The following KCNG3 variants were observed in gnomAD, a reference collection of about 807,000 sequenced individuals.
KCNG3 encodes voltage-gated potassium channel regulatory subunit KCNG3.
KCNG3 carries 15 observed loss-of-function variants against 29.0 expected under a neutral mutation model. The observed-to-expected ratio is 0.52, with a 90% CI of 0.35 to 0.80. KCNG3 has a LOEUF of 0.80. Among genes scored for constraint, KCNG3 ranks in the 30% least tolerant of loss-of-function variants. The pLI, the probability that KCNG3 is intolerant of heterozygous loss-of-function variation, is 0.01. For missense variants in KCNG3, 512 were observed against 605.7 expected, an observed-to-expected ratio of 0.85 and a Z score of 1.62; for synonymous variants, 322 against 248.9, an observed-to-expected ratio of 1.29 and a Z score of -2.76.
chr2:42,480,864 A>G (rs1039372945), intron 1 of KCNG3, among the ~76,000 whole-genome samples: 1 of 151,402 alleles, frequency 6.6e-6, no homozygotes, highest in Non-Finnish European at 1.5e-5. Flanking sequence ...GCTCACTGCA[A>G]CCTCCACCTG....
At chr2:42,402,788 T>C in the KCNG3 span, among the ~76,000 whole-genome samples, 7 of 152,204 alleles carry the variant, frequency 4.6e-5, no homozygotes, top group Non-Finnish European at 1.0e-4. Flanking sequence ...ATATCTACCA[T>C]TTAAATTACT....
chr2:42,454,691 C>G (rs1287676079), intron 1 of KCNG3, among the ~76,000 whole-genome samples: 2 of 149,872 alleles, frequency 1.3e-5, no homozygotes, highest in African/African-American at 4.9e-5. Flanking sequence ...GGCGACAGAG[C>G]AAGACTCTGC....
chr2:42,464,416 T>C (rs1673091564), intron 1 of KCNG3, among the ~76,000 whole-genome samples: 1 of 152,188 alleles, frequency 6.6e-6, no homozygotes, highest in Non-Finnish European at 1.5e-5. Flanking sequence ...GTATCTAGAC[T>C]ATAAGGTCTT....
chr2:42,476,842 A>C (rs1435863363), intron 1 of KCNG3, among the ~76,000 whole-genome samples: 2 of 151,654 alleles, frequency 1.3e-5, no homozygotes, highest in Non-Finnish European at 2.9e-5. Flanking sequence ...AACTTTGCAA[A>C]AGAATTTGTT....
chr2:42,461,705 ACAAGAAGAT>A (rs1673021644), intron 1 of KCNG3, among the ~76,000 whole-genome samples: 1 of 152,198 alleles, frequency 6.6e-6, no homozygotes, highest in African/African-American at 2.4e-5. Context: ...CCTAAATAAT[ACAAGAAGAT>A]CAATCTCAAT....
intron 1 of KCNG3, among the ~76,000 whole-genome samples, chr2:42,485,780 A>G (rs1673704919): frequency 6.6e-6 from 1 of 152,176 alleles, no homozygotes; most frequent in Admixed American, 6.5e-5. Flanking sequence ...CAACTTGTCT[A>G]TATGTTAAAA....
chr2:42,476,132 T>C (rs1364200506), intron 1 of KCNG3, among the ~76,000 whole-genome samples: 1 of 151,984 alleles, frequency 6.6e-6, no homozygotes, highest in Non-Finnish European at 1.5e-5. Flanking sequence ...GTAAGTACAG[T>C]TTTTTAAAAT....
intron 1 of KCNG3, among the ~76,000 whole-genome samples, chr2:42,451,434 T>C (rs796939753): frequency 6.6e-6 from 1 of 150,920 alleles, no homozygotes; most frequent in Non-Finnish European, 1.5e-5. Flanking sequence ...TGTTTTAAAA[T>C]TAGCAGGGGG....
the KCNG3 span, among the ~76,000 whole-genome samples, chr2:42,401,450 TG>T: frequency 1.4e-4 from 21 of 151,426 alleles, 1 homozygote; most frequent in African/African-American, 5.1e-4. Flanking sequence ...TATACATATA[TG>T]TATTTTTGGA....
At chr2:42,468,675 C>A (rs908895506) in intron 1 of KCNG3, among the ~76,000 whole-genome samples, 4 of 152,226 alleles carry the variant, frequency 2.6e-5, no homozygotes, top group African/African-American at 9.6e-5. Flanking sequence ...CACTCTCAGG[C>A]TGGGCGCAGT....
chr2:42,432,860 A>G, the KCNG3 span, among the ~76,000 whole-genome samples: 2 of 152,042 alleles, frequency 1.3e-5, no homozygotes, highest in South Asian at 4.2e-4. Flanking sequence ...TTCCTGATAT[A>G]GACAGTACAA....
the KCNG3 span, among the ~76,000 whole-genome samples, chr2:42,397,091 A>G: frequency 6.6e-6 from 1 of 152,124 alleles, no homozygotes; most frequent in Admixed American, 6.5e-5. Context: ...CTAAAAATAC[A>G]AAACTTAGCC....
intron 1 of KCNG3, among the ~76,000 whole-genome samples, chr2:42,472,907 T>C (rs371171703): frequency 1.1e-4 from 14 of 122,884 alleles, no homozygotes; most frequent in South Asian, 2.8e-4. Context: ...ATATATATTT[T>C]TTTTTTTTTT....
chr2:42,446,925 G>T (rs1362459339), intron 1 of KCNG3, among the ~76,000 whole-genome samples: 1 of 151,812 alleles, frequency 6.6e-6, no homozygotes, highest in African/African-American at 2.4e-5. Flanking sequence ...AGTATAGCTT[G>T]AGCCCAGGAA....
At chr2:42,473,837 T>C (rs1033017461) in intron 1 of KCNG3, among the ~76,000 whole-genome samples, 2 of 152,142 alleles carry the variant, frequency 1.3e-5, no homozygotes, top group African/African-American at 4.8e-5. Context: ...TGTAATGACT[T>C]AGCACCAACA....
intron 1 of KCNG3, among the ~76,000 whole-genome samples, chr2:42,457,736 G>T (rs1672915343): frequency 6.7e-6 from 1 of 150,326 alleles, no homozygotes; most frequent in African/African-American, 2.4e-5. Flanking sequence ...GGATCACTTG[G>T]GCCCAGGAGT....
Position 42,454,558 on chromosome 2 carries a change from G to A in KCNG3, c.666-9979C>T, listed in dbSNP as rs554965249. On this transcript the variant is annotated intron_variant, in intron 1 of 1. Coordinates refer to ENST00000306078, the MANE Select transcript of KCNG3 (RefSeq NM_133329.6). ...AAAACCTCGTCTCTACTAAAAGTAC[G>A]AAAATTAGCCAGGCGTGGTAGTGGG... 1.1e-3 allele frequency among the ~76,000 whole-genome samples: 161 copies of A among 146,614 alleles called. 1 individual carries two copies. The highest frequency in any genetic ancestry group is 2.0e-3 in the East Asian group (10 of 5,038).
chr2:42,424,226 A>C, the KCNG3 span, among the ~76,000 whole-genome samples: 1 of 152,194 alleles, frequency 6.6e-6, no homozygotes, highest in Non-Finnish European at 1.5e-5. Context: ...TGAGTGCCAA[A>C]ACTCATTTTT....
rs892124652 is a variant in KCNG3, at chr2:42,493,548, C to T, written c.-47G>A. On this transcript the variant is annotated 5_prime_UTR_variant, in exon 1 of 2. Transcript: ENST00000306078. Reference sequence around the variant, plus strand: ...TCGGCCCGAGGGCCCCGCTGCAGCCCCCCACCCCAAGCCGCCACGCGGGGC... The same window carrying T: ...TCGGCCCGAGGGCCCCGCTGCAGCCTCCCACCCCAAGCCGCCACGCGGGGC... 17 of 1,306,358 alleles carry T rather than the reference C, an allele frequency of 1.3e-5. No homozygotes were observed. In the Middle Eastern group the frequency reaches 8.6e-4, roughly 66 times the overall value. 80.9% of individuals were successfully genotyped at this position (1,306,358 alleles called of 1,614,324 possible).
Sources: allele counts gnomAD v4.1 joint callset (sites outside exome capture counted in the v4.1 genomes callset), GRCh38; gene constraint gnomAD v4.1.1; transcripts MANE v1.5; gene names NCBI Gene and HGNC (gene_info 2026-07-23, HGNC 2026-07-21).